The following CACNA2D3 variants were observed in gnomAD, a reference collection of about 807,000 sequenced individuals.
CACNA2D3 encodes calcium voltage-gated channel auxiliary subunit alpha2delta 3.
Under a neutral mutation model 160.6 loss-of-function variants are expected in CACNA2D3, and 60 were observed. The ratio of observed to expected loss-of-function variants is 0.37; its 90% CI spans 0.30 to 0.46. CACNA2D3 has a LOEUF of 0.46. CACNA2D3 is among the 20% of genes least tolerant of loss of function. The probability of loss-of-function intolerance (pLI) is 1.00; values close to 1 mark genes in which losing one functional copy is unlikely to be tolerated. For synonymous variants in CACNA2D3, 558 were observed against 492.9 expected (o/e 1.13, Z -1.75); for missense variants, 1,205 against 1,365.0 (o/e 0.88, Z 1.85).
rs1553891454 is a variant in CACNA2D3, at chr3:54,859,972, GCACACACACACA to G, written c.1627-11536_1627-11525del. ...TTAGAACATCATCTGGAAAGTAGATGCACACACACACACACACACACACACACACACACACAC... is the reference window on the plus strand; with the variant it reads ...TTAGAACATCATCTGGAAAGTAGATGCACACACACACACACACACACACAC... On this transcript the variant is annotated intron_variant, in intron 17 of 37. Transcript: ENST00000474759. 2.3e-3 allele frequency among the ~76,000 whole-genome samples: 310 copies of G among 133,878 alleles called. 1 individual carries two copies. Among genetic ancestry groups the G allele is most frequent in the East Asian group, 0.015 (69 of 4,498 alleles). 87.8% of individuals were successfully genotyped at this position (133,878 alleles called of 152,430 possible). A position where few individuals can be genotyped will look rare whatever the true frequency, so the allele number is the denominator to read the frequency against.
intron 11 of CACNA2D3, among the ~76,000 whole-genome samples, chr3:54,669,154 C>A (rs980896996): frequency 6.6e-6 from 1 of 152,198 alleles, no homozygotes; most frequent in African/African-American, 2.4e-5. Context: ...CAGTTAAACA[C>A]GGTTCCACAT....
intron 4 of CACNA2D3, among the ~76,000 whole-genome samples, chr3:54,484,953 TCTC>T (rs1388846828): frequency 2.6e-5 from 4 of 151,898 alleles, no homozygotes; most frequent in Non-Finnish European, 5.9e-5. Flanking sequence ...TTCAAGCAAT[TCTC>T]CTGCCTCAGC....
intron 35 of CACNA2D3, among the ~76,000 whole-genome samples, chr3:55,062,998 G>GA (rs1259921958): frequency 6.6e-6 from 1 of 152,232 alleles, no homozygotes; most frequent in African/African-American, 2.4e-5. Context: ...CACACAAATA[G>GA]AAAGCTGTGG....
chr3:55,074,072 G>GGAGT (rs771034932), intron 37 of CACNA2D3, 42 bp from the exon 38 acceptor site: 4 of 1,516,294 alleles, frequency 2.6e-6, no homozygotes, highest in Non-Finnish European at 2.8e-6. Flanking sequence ...AAGGTGTCCT[G>GGAGT]GAGTCTATTT....
rs142403589 is a variant in CACNA2D3 at position 55,007,074 on chromosome 3, T to A, written c.2767-716T>A. Among the ~76,000 whole-genome samples, 48 of 152,290 alleles carry A rather than the reference T, an allele frequency of 3.2e-4. No homozygotes were observed. In the East Asian group the frequency reaches 7.5e-3, roughly 24 times the overall value. On this transcript the variant is annotated intron_variant, in intron 32 of 37. Coordinates refer to ENST00000474759, the MANE Select transcript of CACNA2D3 (RefSeq NM_018398.3). The stretch of plus-strand genomic sequence containing the variant: ...ACAAAGAACCAACTGAGGGGGAGAC[T>A]TGGTATTTTCCAGAATTCAGGAAAT...
intron 27 of CACNA2D3, chr3:54,918,332 C>CTTT (rs533596688): frequency 0.026 from 5,823 of 227,926 alleles, 1,645 homozygotes; most frequent in South Asian, 0.059. Flanking sequence ...TTTTTTTTTT[C>CTTT]TTTTTTTTTT....
rs561543495 is a variant in CACNA2D3 at position 54,161,536 on chromosome 3, A to G, written c.204+37942A>G. 1.2e-4 allele frequency among the ~76,000 whole-genome samples: 19 copies of G among 152,334 alleles called. No individual in the cohort carries two copies. The East Asian group carries it at 3.7e-3, about 29-fold the overall frequency. ...GCATATGAATTAGTAACTGAATGGC[A>G]TATATGCTGACAAAGCTCAGGCTTA... is the stretch of plus-strand genomic sequence containing the variant. On this transcript the variant is annotated intron_variant, in intron 2 of 37. Transcript: ENST00000474759.
At chr3:54,334,922 C>T (rs894651098) in intron 3 of CACNA2D3, among the ~76,000 whole-genome samples, 1 of 152,116 alleles carries the variant, frequency 6.6e-6, no homozygotes, top group African/African-American at 2.4e-5. Flanking sequence ...TAATCTTGCC[C>T]GATTTACTTA....
intron 27 of CACNA2D3, among the ~76,000 whole-genome samples, chr3:54,912,385 A>T (rs535541988): frequency 6.6e-6 from 1 of 152,154 alleles, no homozygotes; most frequent in African/African-American, 2.4e-5. Flanking sequence ...ACCTGCCACA[A>T]CCTGTAAGTC....
rs76495055 is a variant in CACNA2D3 at position 54,356,566 on chromosome 3, G to T, written c.322-30149G>T. The stretch of plus-strand genomic sequence containing the variant: ...CTGTGAAACCCTTTATAAATAATGT[G>T]GGCTGGCTCACAGATGCTGCCAGCA... On this transcript the variant is annotated intron_variant, in intron 3 of 37. Coordinates refer to ENST00000474759, the MANE Select transcript of CACNA2D3 (RefSeq NM_018398.3). 3.5e-3 allele frequency among the ~76,000 whole-genome samples: 533 copies of T among 152,216 alleles called. 14 individuals carry two copies. The East Asian group carries it at 0.061, about 17-fold the overall frequency.
intron 31 of CACNA2D3, among the ~76,000 whole-genome samples, chr3:54,997,559 C>CAA (rs200939267): frequency 3.4e-5 from 5 of 147,226 alleles, no homozygotes; most frequent in Non-Finnish European, 6.0e-5. Context: ...CACCCCCACC[C>CAA]AAAAAAAAAG....
chr3:54,420,903 G>A (rs1239579326), intron 4 of CACNA2D3, among the ~76,000 whole-genome samples: 1 of 152,182 alleles, frequency 6.6e-6, no homozygotes, highest in Non-Finnish European at 1.5e-5. Flanking sequence ...CTTTGATCTG[G>A]TAGTGTGGAG....
chr3:54,996,130 G>A (rs1373931624), intron 31 of CACNA2D3, among the ~76,000 whole-genome samples: 5 of 152,178 alleles, frequency 3.3e-5, no homozygotes, highest in African/African-American at 1.2e-4. Context: ...GCCCCACACT[G>A]CCAAGTGCAG....
chr3:54,804,860 C>A (rs1254128502), intron 13 of CACNA2D3, among the ~76,000 whole-genome samples: 1 of 152,152 alleles, frequency 6.6e-6, no homozygotes, highest in African/African-American at 2.4e-5. Flanking sequence ...TCTCTCAGAC[C>A]ACAGTGCAAT....
At chr3:54,265,650 ATATATAGTG>A (rs1702494258) in intron 2 of CACNA2D3, among the ~76,000 whole-genome samples, 5 of 69,976 alleles carry the variant, frequency 7.1e-5, no homozygotes, top group African/African-American at 4.8e-5. Context: ...TAGTGTGTAT[ATATATAGTG>A]TATATATATA....
chr3:55,066,284 T>C (rs957229877), intron 35 of CACNA2D3, among the ~76,000 whole-genome samples: 1 of 152,190 alleles, frequency 6.6e-6, no homozygotes, highest in Non-Finnish European at 1.5e-5. Flanking sequence ...TGGCTTTCAT[T>C]TTATCTTTGG....
intron 11 of CACNA2D3, among the ~76,000 whole-genome samples, chr3:54,731,481 T>G (rs1047839069): frequency 6.6e-6 from 1 of 152,194 alleles, no homozygotes; most frequent in Non-Finnish European, 1.5e-5. Context: ...AAACAAAATG[T>G]AAGCATGCTT....
intron 9 of CACNA2D3, among the ~76,000 whole-genome samples, chr3:54,595,056 C>G (rs926214220): frequency 5.3e-5 from 8 of 152,130 alleles, no homozygotes; most frequent in African/African-American, 1.9e-4. Context: ...AATTCTAGTT[C>G]AGATTTGTGT....
intron 27 of CACNA2D3, among the ~76,000 whole-genome samples, chr3:54,912,592 C>T (rs544160880): frequency 1.3e-5 from 2 of 152,158 alleles, no homozygotes; most frequent in Middle Eastern, 3.4e-3. Flanking sequence ...CCATCATTTC[C>T]TTCAGGTCTC....
Sources: allele counts gnomAD v4.1 joint callset (sites outside exome capture counted in the v4.1 genomes callset), GRCh38; gene constraint gnomAD v4.1.1; transcripts MANE v1.5; gene names NCBI Gene and HGNC (gene_info 2026-07-23, HGNC 2026-07-21).